The following LHPP variants were observed in gnomAD, a reference collection of about 807,000 sequenced individuals.
The protein encoded by LHPP is phospholysine phosphohistidine inorganic pyrophosphate phosphatase, also known as hLHPP.
In LHPP, 24 loss-of-function variants were observed where a neutral mutation model predicts 30.3. The observed-to-expected ratio is 0.79, with a 90% CI of 0.57 to 1.11. The LOEUF is 1.11. Ranked by LOEUF, LHPP falls within the 50% of genes most tolerant of loss-of-function variation. The pLI is 0.00. For synonymous variants in LHPP, 150 were observed against 157.1 expected (o/e 0.95, Z 0.34); for missense variants, 356 against 367.2 (o/e 0.97, Z 0.25).
chr10:124,529,963 T>G (rs1029318222), intron 6 of LHPP, among the ~76,000 whole-genome samples: 1 of 152,330 alleles, frequency 6.6e-6, no homozygotes, highest in South Asian at 2.1e-4. Flanking sequence ...TGCTGGTCTT[T>G]GGCAGTGTGG....
chr10:124,600,333 C>T (rs572889432), intron 6 of LHPP, among the ~76,000 whole-genome samples: 1 of 152,246 alleles, frequency 6.6e-6, no homozygotes, highest in Non-Finnish European at 1.5e-5. Context: ...GGCACTGGTG[C>T]CTGCTTCGCC....
At chr10:124,537,874 T>C (rs1955069752) in intron 6 of LHPP, among the ~76,000 whole-genome samples, 1 of 152,228 alleles carries the variant, frequency 6.6e-6, no homozygotes, top group South Asian at 2.1e-4. Context: ...TCTGTGCCCC[T>C]TTCATGTGCT....
At chr10:124,574,643 C>T (rs1948635018) in intron 6 of LHPP, among the ~76,000 whole-genome samples, 1 of 152,164 alleles carries the variant, frequency 6.6e-6, no homozygotes, top group Admixed American at 6.5e-5. Context: ...CACCGGGTGC[C>T]TGGAATGGTG....
rs17693936 is a variant in LHPP, at chr10:124,505,558, T to A, written c.624+7430T>A. Among the ~76,000 whole-genome samples, 116 of 152,302 alleles carry A rather than the reference T, an allele frequency of 7.6e-4. 1 individual carries two copies. In the East Asian group the frequency reaches 0.02, roughly 26 times the overall value. ...TAGAAATCACAGATTGCTGGTATTA[T>A]GCTAATAGATTGGAAATTCAAACCT... On this transcript the variant is annotated intron_variant, in intron 5 of 6. Transcript: ENST00000368842.
intron 6 of LHPP, among the ~76,000 whole-genome samples, chr10:124,609,493 C>T (rs1949138604): frequency 6.6e-6 from 1 of 152,236 alleles, no homozygotes; most frequent in Non-Finnish European, 1.5e-5. Flanking sequence ...ATCCTCCTGC[C>T]TTAGCCTCCC....
At chr10:124,577,960 A>T (rs1231157413) in intron 6 of LHPP, among the ~76,000 whole-genome samples, 4 of 152,092 alleles carry the variant, frequency 2.6e-5, no homozygotes. Context: ...CCATCCTGGG[A>T]GTGCCACCCA....
intron 6 of LHPP, among the ~76,000 whole-genome samples, chr10:124,601,983 G>C (rs1949029006): frequency 6.6e-6 from 1 of 152,200 alleles, no homozygotes; most frequent in African/African-American, 2.4e-5. Context: ...CTCCATGTGT[G>C]CTGTGCCCCG....
chr10:124,489,989 G>GTCTGTGGGTGTCTTTCGCCA, intron 3 of LHPP: 1 of 169,070 alleles, frequency 5.9e-6, no homozygotes, highest in Admixed American at 6.4e-5. Context: ...GTCTCTCTCT[G>GTCTGTGGGTGTCTTTCGCCA]TCTGTGGGTG....
intron 6 of LHPP, among the ~76,000 whole-genome samples, chr10:124,526,669 A>C (rs557306758): frequency 3.9e-5 from 6 of 152,204 alleles, no homozygotes; most frequent in Non-Finnish European, 5.9e-5. Flanking sequence ...CATAAGCAGG[A>C]CCTGGCTCTG....
Position 124,461,923 on chromosome 10 carries a change from G to T in LHPP, c.61G>T (p.Val21Leu). ...CGGGGTGCTGCTTGACATCTCGGGC[G>T]TGCTGTACGACAGCGGCGCGGGCGG... Reference protein sequence around the residue: ...VRGVLLDISGVLYDSGAGGGT... With the variant: ...VRGVLLDISGLLYDSGAGGGT... The change falls in exon 1 of 7, where the codon GTG (valine) becomes TTG (leucine). Residue 21 changes from valine to leucine, a missense_variant. Physicochemically the swap from Val to Leu is conservative, Grantham distance 32. Transcript: ENST00000368842. 8.0e-7 allele frequency: 1 copy of T among 1,252,920 alleles called. No individual in the cohort carries two copies. The highest frequency in any genetic ancestry group is 1.0e-6 in the Non-Finnish European group (1 of 995,122). 77.6% of individuals were successfully genotyped at this position (1,252,920 alleles called of 1,614,324 possible).
chr10:124,582,975 G>A (rs974039063), intron 6 of LHPP, among the ~76,000 whole-genome samples: 1 of 152,182 alleles, frequency 6.6e-6, no homozygotes, highest in Non-Finnish European at 1.5e-5. Flanking sequence ...AGAAGAGGAG[G>A]GTTGGTCTTG....
At chr10:124,537,820 C>T (rs1187176088) in intron 6 of LHPP, among the ~76,000 whole-genome samples, 2 of 152,248 alleles carry the variant, frequency 1.3e-5, no homozygotes, top group South Asian at 2.1e-4. Context: ...GCTGCATGGA[C>T]ACAAGCTGCT....
intron 6 of LHPP, among the ~76,000 whole-genome samples, chr10:124,521,386 G>A (rs546842105): frequency 6.6e-6 from 1 of 152,230 alleles, no homozygotes; most frequent in African/African-American, 2.4e-5. Flanking sequence ...TCTGCACAGC[G>A]GTGAGCCCCC....
intron 6 of LHPP, among the ~76,000 whole-genome samples, chr10:124,522,346 C>A (rs1954630455): frequency 6.6e-6 from 1 of 152,226 alleles, no homozygotes; most frequent in South Asian, 2.1e-4. Flanking sequence ...TCCTCGAGGT[C>A]CCATCCAGCC....
intron 6 of LHPP, among the ~76,000 whole-genome samples, chr10:124,526,861 G>C (rs1954753267): frequency 6.6e-6 from 1 of 152,324 alleles, no homozygotes; most frequent in South Asian, 2.1e-4. Context: ...GAGGTGGGGA[G>C]GGGACCCAGG....
chr10:124,555,931 C>G (rs892337269), intron 6 of LHPP, among the ~76,000 whole-genome samples: 2 of 151,990 alleles, frequency 1.3e-5, no homozygotes, highest in East Asian at 3.9e-4. Flanking sequence ...GTCACTGGCC[C>G]GAGGTCACAC....
intron 6 of LHPP, among the ~76,000 whole-genome samples, chr10:124,581,272 G>A (rs1948739221): frequency 6.6e-6 from 1 of 152,184 alleles, no homozygotes; most frequent in Admixed American, 6.5e-5. Context: ...CCACTGTATG[G>A]ATAGAACACA....
intron 5 of LHPP, among the ~76,000 whole-genome samples, chr10:124,502,494 A>G (rs1394873574): frequency 6.6e-6 from 1 of 151,056 alleles, no homozygotes; most frequent in Non-Finnish European, 1.5e-5. Flanking sequence ...CCTCCCAAGT[A>G]GCTGGGACTG....
intron 5 of LHPP, among the ~76,000 whole-genome samples, chr10:124,506,757 A>G (rs1293935231): frequency 3.0e-5 from 1 of 33,896 alleles, no homozygotes; most frequent in Non-Finnish European, 5.2e-5. Context: ...GGGGTAGGGA[A>G]GATTTCAAGT....
Sources: allele counts gnomAD v4.1 joint callset (sites outside exome capture counted in the v4.1 genomes callset), GRCh38; gene constraint gnomAD v4.1.1; transcripts MANE v1.5; gene names NCBI Gene and HGNC (gene_info 2026-07-23, HGNC 2026-07-21).